The following OPA3 variants were observed in gnomAD, a reference collection of about 807,000 sequenced individuals.
OPA3 encodes the protein outer mitochondrial membrane lipid metabolism regulator OPA3, also known as optic atrophy 3 protein.
Under a neutral mutation model 4.0 loss-of-function variants are expected in OPA3, and 6 were observed. The ratio of observed to expected loss-of-function variants is 1.51; its 90% confidence interval spans 0.83 to 2.99. The LOEUF is 2.99. OPA3 is among the 30% of genes most tolerant of loss of function. OPA3 has a pLI of 0.00. For synonymous variants in OPA3, 105 were observed against 117.1 expected, an observed-to-expected ratio of 0.90 and a Z score of 0.67; for missense variants, 235 against 256.2, an observed-to-expected ratio of 0.92 and a Z score of 0.56.
chr19:45,573,893 T>A lies in OPA3; in HGVS notation c.142+10730A>T, dbSNP rs370054860. 6.0e-4 allele frequency among the ~76,000 whole-genome samples: 91 copies of A among 152,344 alleles called. 2 individuals are homozygous for A. In the South Asian group the frequency reaches 0.018, roughly 30 times the overall value. ...AAGAAGGGATTCCGGCTGGGTGCGG[T>A]GGCTCACGCCTGTAATCCCAACACT... On this transcript the variant is annotated intron_variant, in intron 1 of 1. Coordinates refer to ENST00000263275, the MANE Select transcript of OPA3 (RefSeq NM_025136.4).
rs750612755 is a variant in OPA3, at chr19:45,529,120, C to G, written c.479G>C (p.Arg160Pro). ...CGGGTCTCGGAGGCAGAGGTGGGCT[C>G]GCACCTCCTGCAGCTGAGCGCGCAG... Residue 160 changes from arginine (R) to proline (P), a missense_variant, in exon 2 of 2, where the codon CGA becomes CCA. Arg to Pro is a moderately radical substitution (Grantham distance 103, BLOSUM62 -2). Transcript: ENST00000323060. 1.9e-6 allele frequency: 3 copies of G among 1,606,746 alleles called. No individual in the cohort carries two copies. In the Admixed American group the frequency reaches 5.0e-5, roughly 27 times the overall value.
chr19:45,559,926 G>T (rs1969479712), intron 1 of OPA3, among the ~76,000 whole-genome samples: 1 of 152,140 alleles, frequency 6.6e-6, no homozygotes. Context: ...TCACTTTCTG[G>T]ATTCGCAAGC....
At chr19:45,539,173 C>G (rs983887761) in intron 1 of OPA3, among the ~76,000 whole-genome samples, 1 of 152,134 alleles carries the variant, frequency 6.6e-6, no homozygotes, top group Non-Finnish European at 1.5e-5. Flanking sequence ...GATGACAACT[C>G]GAGATGAGAT....
At chr19:45,571,227 TC>T (rs771314375) in intron 1 of OPA3, among the ~76,000 whole-genome samples, 2 of 152,108 alleles carry the variant, frequency 1.3e-5, no homozygotes, top group East Asian at 3.8e-4. Flanking sequence ...CACCGCAACC[TC>T]CACCTCCCGG....
chr19:45,558,187 C>T (rs1346251238), intron 1 of OPA3, among the ~76,000 whole-genome samples: 3 of 151,912 alleles, frequency 2.0e-5, no homozygotes, highest in Admixed American at 6.6e-5. Flanking sequence ...AAAAAATTAG[C>T]GGGGCGTGGT....
At chr19:45,529,633 G>A (rs1197842767) in intron 1 of OPA3, among the ~76,000 whole-genome samples, 1 of 152,246 alleles carries the variant, frequency 6.6e-6, no homozygotes. Flanking sequence ...GAATCCTCTA[G>A]GGAAAACTTC....
intron 1 of OPA3, 57 bp from the exon 2 acceptor site, chr19:45,553,968 C>T (rs1483415176): frequency 1.4e-6 from 2 of 1,451,816 alleles, no homozygotes; most frequent in Admixed American, 1.9e-5. Context: ...AAGCCCCACC[C>T]CTCTCACCCA....
exon 2 of OPA3, chr19:45,529,093 G>C (rs1283336274): frequency 6.3e-7 from 1 of 1,599,860 alleles, no homozygotes; most frequent in African/African-American, 1.3e-5. Context: ...GGGTGCAGGC[G>C]GCGGGTCTCG....
At chr19:45,545,177 A>C (rs534700415), downstream of OPA3, among the ~76,000 whole-genome samples, 298 of 144,400 alleles carry the variant, frequency 2.1e-3, 28 homozygotes, top group East Asian at 0.036. Context: ...AAAAAAAAAA[A>C]ACAAAAAAAC....
chr19:45,536,407 G>C (rs1202097703), intron 1 of OPA3, among the ~76,000 whole-genome samples: 1 of 152,004 alleles, frequency 6.6e-6, no homozygotes, highest in Non-Finnish European at 1.5e-5. Context: ...AATTAGCCAG[G>C]CATGGTGACG....
chr19:45,564,633 T>TGTGAGCCTGGCC (rs1259171779), intron 1 of OPA3, among the ~76,000 whole-genome samples: 4 of 152,154 alleles, frequency 2.6e-5, no homozygotes, highest in Non-Finnish European at 4.4e-5. Flanking sequence ...TCTGCTTAGC[T>TGTGAGCCTGGCC]GTGAGCCTGG....
intron 1 of OPA3, among the ~76,000 whole-genome samples, chr19:45,559,014 G>A (rs1969462977): frequency 6.6e-6 from 1 of 151,968 alleles, no homozygotes; most frequent in Non-Finnish European, 1.5e-5. Context: ...CTCCCAAGTA[G>A]CTGGGATTAC....
At chr19:45,575,757 C>T (rs571948932) in intron 1 of OPA3, among the ~76,000 whole-genome samples, 6 of 152,114 alleles carry the variant, frequency 3.9e-5, no homozygotes, top group Non-Finnish European at 7.4e-5. Context: ...GCATGCATCA[C>T]CATGCCCCAC....
At chr19:45,557,851 G>A (rs1359581814) in intron 1 of OPA3, among the ~76,000 whole-genome samples, 1 of 152,160 alleles carries the variant, frequency 6.6e-6, no homozygotes, top group Non-Finnish European at 1.5e-5. Flanking sequence ...TGGGGCCCAG[G>A]GCTGTCACAG....
chr19:45,551,643 T>A lies in OPA3; in HGVS notation c.*1871A>T. 1 of 906,868 alleles carries A rather than the reference T, an allele frequency of 1.1e-6. No homozygotes were observed. Among genetic ancestry groups the A allele is most frequent in the Non-Finnish European group, 1.3e-6 (1 of 758,190 alleles). The allele number at this position is 906,868 out of a possible 1,614,324, so 56.2% of individuals were successfully genotyped here. A position where few individuals can be genotyped will look rare whatever the true frequency, so the allele number is the denominator to read the frequency against. On this transcript the variant is annotated 3_prime_UTR_variant, in exon 2 of 2. Coordinates refer to ENST00000263275, the MANE Select transcript of OPA3 (RefSeq NM_025136.4). ...TTAAATTCCTGTTGGACTTAAGCCA[T>A]CAAGTTCACCACCCAATGGTGATCT...
intron 1 of OPA3, among the ~76,000 whole-genome samples, chr19:45,572,454 TATATATC>T (rs1969689157): frequency 7.4e-6 from 1 of 134,316 alleles, no homozygotes; most frequent in Non-Finnish European, 1.6e-5. Context: ...CAATATATGA[TATATATC>T]ATATATCATA....
intron 1 of OPA3, among the ~76,000 whole-genome samples, chr19:45,529,846 G>C (rs899463067): frequency 1.3e-5 from 2 of 151,254 alleles, no homozygotes; most frequent in South Asian, 4.2e-4. Flanking sequence ...TCCTCCTCCC[G>C]CCTCAGCCTC....
Position 45,546,656 on chromosome 19 carries a change from T to C in OPA3, c.*6858A>G. Reference sequence around the variant, plus strand: ...GACTACAGGTGTGTGCCACCATGCCTGGCTAATTTTTTGTTTTGTTTTGTT... The same window carrying C: ...GACTACAGGTGTGTGCCACCATGCCCGGCTAATTTTTTGTTTTGTTTTGTT... On this transcript the variant is annotated 3_prime_UTR_variant, in exon 2 of 2. Coordinates refer to ENST00000263275, the MANE Select transcript of OPA3 (RefSeq NM_025136.4). The C allele has an allele frequency of 6.6e-6, 1 of 152,608 alleles. No individual in the cohort carries two copies. Among genetic ancestry groups the C allele is most frequent in the Non-Finnish European group, 1.5e-5 (1 of 68,492 alleles). 9.5% of individuals were successfully genotyped at this position (152,608 alleles called of 1,614,324 possible). A position where few individuals can be genotyped will look rare whatever the true frequency, so the allele number is the denominator to read the frequency against.
At chr19:45,531,719 A>C (rs1969062919) in intron 1 of OPA3, among the ~76,000 whole-genome samples, 1 of 152,178 alleles carries the variant, frequency 6.6e-6, no homozygotes, top group Non-Finnish European at 1.5e-5. Flanking sequence ...CTAGTTCGAA[A>C]TCCTATTCCT....
Sources: allele counts gnomAD v4.1 joint callset (sites outside exome capture counted in the v4.1 genomes callset), GRCh38; gene constraint gnomAD v4.1.1; transcripts MANE v1.5; gene names NCBI Gene and HGNC (gene_info 2026-07-23, HGNC 2026-07-21).